MACROD2: variants seen among roughly 807,000 people sequenced by gnomAD.
MACROD2 encodes the protein ADP-ribose glycohydrolase MACROD2.
MACROD2 carries 36 observed loss-of-function variants against 70.4 expected under a neutral mutation model. The observed-to-expected ratio is 0.51, with a 90% confidence interval of 0.39 to 0.68. The LOEUF (loss-of-function observed/expected upper bound fraction) is 0.68. MACROD2 is among the 30% of genes least tolerant of loss of function. The pLI is 0.00. For missense variants in MACROD2, 496 were observed against 538.4 expected (o/e 0.92, Z 0.78); for synonymous variants, 172 against 178.8 (o/e 0.96, Z 0.30).
At chr20:15,186,872 G>T (rs1326324176) in intron 5 of MACROD2, among the ~76,000 whole-genome samples, 1 of 152,160 alleles carries the variant, frequency 6.6e-6, no homozygotes, top group Non-Finnish European at 1.5e-5. Context: ...AAGTATGCTA[G>T]CTATTAAAAC....
rs556395038 is a variant in MACROD2 at position 14,248,439 on chromosome 20, C to T, written c.271+162711C>T. 1.8e-4 allele frequency among the ~76,000 whole-genome samples: 28 copies of T among 152,146 alleles called. No individual in the cohort carries two copies. The South Asian group carries it at 3.1e-3, about 17-fold the overall frequency. On this transcript the variant is annotated intron_variant, in intron 3 of 17. Transcript: ENST00000684519. ...TCTCTACTAAAAATACAAAATTAGCCGGGTGTGGTGGCACATGCCTGTAAT... is the reference window on the plus strand; with the variant it reads ...TCTCTACTAAAAATACAAAATTAGCTGGGTGTGGTGGCACATGCCTGTAAT...
At chr20:16,009,406 C>T (rs2066831619) in intron 15 of MACROD2, among the ~76,000 whole-genome samples, 1 of 152,126 alleles carries the variant, frequency 6.6e-6, no homozygotes, top group Admixed American at 6.5e-5. Flanking sequence ...ACTCATGTTC[C>T]CTGTCTTGGG....
chr20:14,069,751 A>G (rs2053814263), intron 2 of MACROD2, among the ~76,000 whole-genome samples: 2 of 150,094 alleles, frequency 1.3e-5, no homozygotes, highest in African/African-American at 2.5e-5. Context: ...AAAGAATGTC[A>G]CTTCCCTGTG....
intron 6 of MACROD2, among the ~76,000 whole-genome samples, chr20:15,284,612 T>C (rs1397275777): frequency 6.6e-6 from 1 of 152,222 alleles, no homozygotes; most frequent in African/African-American, 2.4e-5. Context: ...ATTTTGTCTT[T>C]GGCTACATTA....
At chr20:14,673,901 CAA>C (rs2070826690) in intron 4 of MACROD2, among the ~76,000 whole-genome samples, 1 of 91,688 alleles carries the variant, frequency 1.1e-5, no homozygotes, top group South Asian at 3.3e-4. Flanking sequence ...GCCTGGGCAA[CAA>C]GAGTGAAACT....
At chr20:15,093,222 G>A (rs1180794209) in intron 5 of MACROD2, among the ~76,000 whole-genome samples, 1 of 152,046 alleles carries the variant, frequency 6.6e-6, no homozygotes, top group Non-Finnish European at 1.5e-5. Flanking sequence ...AGAAAATCGT[G>A]GTTTGTATAA....
At chr20:14,546,055 T>A (rs1217271922) in intron 4 of MACROD2, among the ~76,000 whole-genome samples, 1 of 152,178 alleles carries the variant, frequency 6.6e-6, no homozygotes, top group Non-Finnish European at 1.5e-5. Flanking sequence ...TGGGAACAAA[T>A]TATTAAGGTA....
chr20:14,286,992 A>G (rs1287601504), intron 3 of MACROD2, among the ~76,000 whole-genome samples: 2 of 152,104 alleles, frequency 1.3e-5, no homozygotes, highest in Admixed American at 6.6e-5. Context: ...TTGTTTTGCT[A>G]CTTAATCTCT....
intron 4 of MACROD2, among the ~76,000 whole-genome samples, chr20:14,593,793 A>G (rs905536122): frequency 6.6e-6 from 1 of 152,198 alleles, no homozygotes; most frequent in South Asian, 2.1e-4. Context: ...CTATTTATTC[A>G]TATTTTTAAA....
At chr20:15,729,685 G>GT (rs1366492085) in intron 8 of MACROD2, among the ~76,000 whole-genome samples, 1 of 151,868 alleles carries the variant, frequency 6.6e-6, no homozygotes, top group African/African-American at 2.4e-5. Flanking sequence ...TTTAAAGTCT[G>GT]TTTTTTCTAA....
At chr20:15,057,313 T>C (rs900833491) in intron 5 of MACROD2, among the ~76,000 whole-genome samples, 5 of 152,210 alleles carry the variant, frequency 3.3e-5, no homozygotes, top group Non-Finnish European at 5.9e-5. Flanking sequence ...TTAGAGGATA[T>C]TTTCAGGAAA....
chr20:15,167,399 C>T (rs547357388), intron 5 of MACROD2, among the ~76,000 whole-genome samples: 1 of 152,100 alleles, frequency 6.6e-6, no homozygotes. Flanking sequence ...TTGTTTCCTG[C>T]AAAGCACTGT....
At chr20:14,502,436 C>T (rs1374116008) in intron 4 of MACROD2, among the ~76,000 whole-genome samples, 1 of 152,098 alleles carries the variant, frequency 6.6e-6, no homozygotes, top group Non-Finnish European at 1.5e-5. Context: ...CTTATTGCTG[C>T]AGCTCTCTTT....
intron 7 of MACROD2, among the ~76,000 whole-genome samples, chr20:15,437,669 A>T (rs2046443934): frequency 6.6e-6 from 1 of 152,086 alleles, no homozygotes. Context: ...ACCCTCGAGT[A>T]GACCCCAGAA....
intron 5 of MACROD2, among the ~76,000 whole-genome samples, chr20:15,189,858 G>A (rs1003323615): frequency 2.0e-5 from 3 of 151,020 alleles, no homozygotes; most frequent in African/African-American, 4.9e-5. Context: ...TTTTTCCAAC[G>A]GTAGAACCTC....
intron 6 of MACROD2, among the ~76,000 whole-genome samples, chr20:15,354,540 G>C (rs1039152453): frequency 2.0e-5 from 3 of 152,130 alleles, no homozygotes; most frequent in Non-Finnish European, 4.4e-5. Context: ...ATTGTAATAT[G>C]ACACTATTCT....
intron 6 of MACROD2, among the ~76,000 whole-genome samples, chr20:15,316,173 C>T (rs1214225488): frequency 1.3e-5 from 2 of 148,204 alleles, no homozygotes; most frequent in East Asian, 4.0e-4. Flanking sequence ...AAAAGTATAA[C>T]ATATACAGAA....
rs1037247492 is a variant in MACROD2 at position 14,895,774 on chromosome 20, A to C, written c.418+210815A>C. ...ATTAAATGTGGGTAGTGATTAACTT[A>C]TTATCTCAGGTTAGGTTCCTTTCTA... is the stretch of plus-strand genomic sequence containing the variant. On this transcript the variant is annotated intron_variant, in intron 5 of 17. Transcript: ENST00000684519. Among the ~76,000 whole-genome samples, 5 of 150,752 alleles carry C rather than the reference A, an allele frequency of 3.3e-5. No homozygotes were observed. In the South Asian group the frequency reaches 8.3e-4, roughly 25 times the overall value.
At chr20:15,603,080 T>C (rs1376484261) in intron 8 of MACROD2, among the ~76,000 whole-genome samples, 1 of 152,200 alleles carries the variant, frequency 6.6e-6, no homozygotes, top group Non-Finnish European at 1.5e-5. Context: ...CTACTTCTAA[T>C]TGAAGCACAA....
Sources: allele counts gnomAD v4.1 joint callset (sites outside exome capture counted in the v4.1 genomes callset), GRCh38; gene constraint gnomAD v4.1.1; transcripts MANE v1.5; gene names NCBI Gene and HGNC (gene_info 2026-07-23, HGNC 2026-07-21).